The following ABCB9 variants were observed in gnomAD, a reference collection of about 807,000 sequenced individuals.
ABCB9 encodes ATP binding cassette subfamily B member 9, also known as ABC-type oligopeptide transporter ABCB9.
A neutral mutation model predicts 62.0 loss-of-function variants in ABCB9; 36 were observed. The observed-to-expected ratio is 0.58, with a 90% CI of 0.45 to 0.77. The LOEUF (loss-of-function observed/expected upper bound fraction) is 0.77, where lower values mean the gene tolerates loss of function less well. Ranked by LOEUF, ABCB9 falls within the 30% of genes least tolerant of loss-of-function variation. The pLI is 0.00. For missense variants in ABCB9, 943 were observed against 1,054.7 expected (o/e 0.89, Z 1.47); for synonymous variants, 435 against 461.4 (o/e 0.94, Z 0.73).
intron 6 of ABCB9, 130 bp downstream of exon 6, chr12:122,945,895 A>AG (rs1340234034): frequency 6.4e-5 from 61 of 947,732 alleles, no homozygotes; most frequent in African/African-American, 4.7e-4. Flanking sequence ...AAAAAAAAAA[A>AG]AAAGAAAGAC....
In ABCB9 at chr12:122,940,349, C is replaced by A. The variant is rs1408247218; in HGVS notation, c.1570-65G>T. 6.6e-7 allele frequency: 1 copy of A among 1,505,166 alleles called. No individual in the cohort carries two copies. Among genetic ancestry groups the A allele is most frequent in the Non-Finnish European group, 8.9e-7 (1 of 1,125,402 alleles). The allele number at this position is 1,505,166 out of a possible 1,614,324, so 93.2% of individuals were successfully genotyped here. A position where few individuals can be genotyped will look rare whatever the true frequency, so the allele number is the denominator to read the frequency against. The stretch of plus-strand genomic sequence containing the variant: ...CAGGTCCCAGGACTGGATGCCCTGA[C>A]CTTGGACACAGGTGGGTGCCCTTCC... On this transcript the variant is annotated intron_variant, in intron 8 of 11. Coordinates refer to ENST00000280560, the MANE Select transcript of ABCB9 (RefSeq NM_019625.4). The surrounding 1 kb of genome is among the most constrained non-coding windows in gnomAD (Gnocchi z 4.8).
intron 11 of ABCB9, among the ~76,000 whole-genome samples, chr12:122,923,569 A>G (rs56392140): frequency 0.065 from 9,928 of 152,178 alleles, 1,070 homozygotes; most frequent in African/African-American, 0.22. Flanking sequence ...GATTACAGAC[A>G]TGAGCCAGGG....
At chr12:122,970,304 G>A (rs932308193), upstream of ABCB9, among the ~76,000 whole-genome samples, 2 of 152,078 alleles carry the variant, frequency 1.3e-5, no homozygotes, top group Admixed American at 6.6e-5. Flanking sequence ...CTGCAGGGCA[G>A]TGGTGTGATC....
chr12:122,923,326 C>T (rs575721116), intron 11 of ABCB9, among the ~76,000 whole-genome samples: 26 of 152,198 alleles, frequency 1.7e-4, no homozygotes, highest in Non-Finnish European at 3.4e-4. Flanking sequence ...CTCGCTCTGT[C>T]GCCCAGGCTG....
At chr12:122,931,020 TTTTG>T (rs1037990529) in intron 11 of ABCB9, among the ~76,000 whole-genome samples, 23 of 152,110 alleles carry the variant, frequency 1.5e-4, no homozygotes, top group East Asian at 7.7e-4. Flanking sequence ...TGTTTTTTGT[TTTTG>T]TTTGTTTGTT....
At chr12:122,953,164 A>C (rs1040058492) in intron 2 of ABCB9, 1 of 152,086 alleles carries the variant, frequency 6.6e-6, no homozygotes, top group African/African-American at 2.4e-5. Flanking sequence ...TTCCTGCCTC[A>C]GGACCTTTGC....
intron 2 of ABCB9, among the ~76,000 whole-genome samples, chr12:122,953,650 T>C (rs758579824): frequency 6.6e-6 from 1 of 152,160 alleles, no homozygotes; most frequent in African/African-American, 2.4e-5. Context: ...CCTCCCAAAG[T>C]GCTGGGATTA....
chr12:122,958,889 C>T (rs2036748137), intron 2 of ABCB9, among the ~76,000 whole-genome samples: 2 of 151,642 alleles, frequency 1.3e-5, no homozygotes. Flanking sequence ...TTTTTCTTCT[C>T]TTGTCTTTTA....
At chr12:122,955,309 A>G (rs2036563899) in intron 2 of ABCB9, among the ~76,000 whole-genome samples, 1 of 152,348 alleles carries the variant, frequency 6.6e-6, no homozygotes, top group African/African-American at 2.4e-5. Context: ...AAATCTGCTC[A>G]GCAGTATTTA....
At chr12:122,920,729 AC>A (rs2034726788), downstream of ABCB9, among the ~76,000 whole-genome samples, 3 of 150,278 alleles carry the variant, frequency 2.0e-5, no homozygotes. Flanking sequence ...ACATGGTGAA[AC>A]CCCGTTTCTA....
At position 122,932,015 on chromosome 12, in the gene ABCB9, C is replaced by T; in HGVS notation, c.2040+177G>A. ...TCTGCCTGGAGCCTGGAGGCTGGGT[C>T]CAGAGTGGCTCCTGGCTCCCCACTC... is the stretch of plus-strand genomic sequence containing the variant. On this transcript the variant is annotated intron_variant, in intron 11 of 11. Coordinates refer to ENST00000280560, the MANE Select transcript of ABCB9 (RefSeq NM_019625.4). The surrounding 1 kb of genome is among the most constrained non-coding windows in gnomAD (Gnocchi z 4.7). 1 of 1,129,414 alleles carries T rather than the reference C, an allele frequency of 8.9e-7. No individual in the cohort carries two copies. The highest frequency in any genetic ancestry group is 1.3e-6 in the Non-Finnish European group (1 of 793,604). 70.0% of individuals were successfully genotyped at this position (1,129,414 alleles called of 1,614,324 possible).
intron 2 of ABCB9, among the ~76,000 whole-genome samples, chr12:122,957,634 C>T (rs191405265): frequency 1.7e-4 from 26 of 150,636 alleles, no homozygotes; most frequent in Admixed American, 1.5e-3. Context: ...CACACCTGCA[C>T]GTAGGCACAC....
intron 5 of ABCB9, 21 bp downstream of exon 5, chr12:122,948,603 G>A (rs1244267957): frequency 6.3e-7 from 1 of 1,594,450 alleles, no homozygotes; most frequent in Non-Finnish European, 8.5e-7. Flanking sequence ...ACAGTCCCCA[G>A]CAGAGACAGG....
At chr12:122,936,060 T>G (rs1201746923) in intron 9 of ABCB9, among the ~76,000 whole-genome samples, 1 of 151,978 alleles carries the variant, frequency 6.6e-6, no homozygotes, top group Non-Finnish European at 1.5e-5. Flanking sequence ...AAAAAATATA[T>G]AGTATGGAAG....
Position 122,948,839 on chromosome 12 carries a change from A to G in ABCB9, c.848-10T>C, listed in dbSNP as rs1400561106. 1.3e-6 allele frequency: 2 copies of G among 1,534,206 alleles called. No homozygotes were observed. The highest frequency in any genetic ancestry group is 8.8e-7 in the Non-Finnish European group (1 of 1,140,070). The stretch of plus-strand genomic sequence containing the variant: ...CGGGAGATGAGGTCCCCTGGAACAC[A>G]CGCGGCTCAGCTCTCACCACAGCAA... On this transcript the variant is annotated splice_polypyrimidine_tract_variant and intron_variant, in intron 4 of 11. Coordinates refer to ENST00000280560, the MANE Select transcript of ABCB9 (RefSeq NM_019625.4).
At chr12:122,974,379 C>T (rs1379900243) in intron 1 of ABCB9, 2 of 152,250 alleles carry the variant, frequency 1.3e-5, no homozygotes, top group Non-Finnish European at 2.9e-5. Flanking sequence ...CCCAGAAGCC[C>T]TGTGGTGGTT....
intron 2 of ABCB9, among the ~76,000 whole-genome samples, chr12:122,958,155 G>A (rs1313348393): frequency 2.0e-5 from 2 of 99,244 alleles, no homozygotes; most frequent in African/African-American, 8.5e-5. Context: ...GGGTGACAGA[G>A]CAAGACTCCA....
intron 5 of ABCB9, among the ~76,000 whole-genome samples, chr12:122,946,861 G>A (rs1050494915): frequency 1.3e-5 from 2 of 152,226 alleles, no homozygotes; most frequent in Non-Finnish European, 2.9e-5. Flanking sequence ...GAGGCCCCTG[G>A]GTGGAGCTGT....
rs1232993502 is a variant in ABCB9, at chr12:122,944,705, CCCTA to C, written c.1252-190_1252-187del. ...ATGCCTTCCCCTGCCCCGAGCATTT[CCCTA>C]CAGAGGCCTCCAGCTGGAGCAGGCT... is the stretch of plus-strand genomic sequence containing the variant. On this transcript the variant is annotated intron_variant, in intron 6 of 11. Coordinates refer to ENST00000280560, the MANE Select transcript of ABCB9 (RefSeq NM_019625.4). The surrounding 1 kb of genome is among the most constrained non-coding windows in gnomAD (Gnocchi z 4.9). 4.0e-6 allele frequency: 3 copies of C among 746,764 alleles called. No individual in the cohort carries two copies. The highest frequency in any genetic ancestry group is 6.2e-6 in the Non-Finnish European group (3 of 484,744). The allele number at this position is 746,764 out of a possible 1,614,324, so 46.3% of individuals were successfully genotyped here. A position where few individuals can be genotyped will look rare whatever the true frequency, so the allele number is the denominator to read the frequency against.
Sources: gnomAD v4.1 joint callset for allele counts (sites outside exome capture counted in the v4.1 genomes callset) on GRCh38, gnomAD v4.1.1 for gene constraint, Gnocchi (gnomAD v3.1) non-coding constraint, MANE v1.5 for transcripts, NCBI Gene and HGNC (gene_info 2026-07-23, HGNC 2026-07-21) for gene names.